Variants in MAP2K4 observed in about 807,000 individuals in gnomAD.
The protein encoded by MAP2K4 is mitogen-activated protein kinase kinase 4.
MAP2K4 carries 4 observed loss-of-function variants against 48.5 expected under a neutral mutation model. The observed-to-expected ratio is 0.08, with a 90% CI of 0.04 to 0.19. The LOEUF is 0.19. MAP2K4 is among the 10% of genes least tolerant of loss of function. MAP2K4 has a pLI of 1.00. For missense variants in MAP2K4, 258 were observed against 493.3 expected (o/e 0.52, Z 4.52); for synonymous variants, 166 against 173.1 (o/e 0.96, Z 0.32).
intron 1 of MAP2K4, among the ~76,000 whole-genome samples, chr17:12,052,424 ATCTC>A (rs999601278): frequency 1.3e-5 from 2 of 152,178 alleles, no homozygotes; most frequent in Non-Finnish European, 2.9e-5. Context: ...GCTGAAAAAA[ATCTC>A]TCTGTGTATT....
chr17:12,081,431 T>A lies in MAP2K4; in HGVS notation c.294T>A (p.Thr98=), dbSNP rs1485306610. ...CCCCTGAACAACACTGGGATTTCAC[T>A]GCAGAGGACTTGAAAGACCTTGGAG... ...KISPEQHWDF[T]AEDLKDLGEI... is the part of the protein sequence containing the mutation. The change falls in exon 3 of 11, where the codon ACT becomes ACA. Residue 98 remains threonine, a synonymous_variant. Coordinates refer to ENST00000353533, the MANE Select transcript of MAP2K4 (RefSeq NM_003010.4). The surrounding 1 kb of genome is among the most constrained non-coding windows in gnomAD (Gnocchi z 4.2). The A allele has an allele frequency of 6.2e-7, 1 of 1,614,150 alleles. No individual in the cohort carries two copies. The highest frequency in any genetic ancestry group is 8.5e-7 in the Non-Finnish European group (1 of 1,179,984).
intron 8 of MAP2K4, among the ~76,000 whole-genome samples, chr17:12,128,163 C>T (rs762292089): frequency 6.6e-6 from 1 of 152,182 alleles, no homozygotes; most frequent in African/African-American, 2.4e-5. Flanking sequence ...CTGCAAACTC[C>T]GCCTCCTGGG....
chr17:12,088,540 A>T (rs1274087074), intron 3 of MAP2K4, among the ~76,000 whole-genome samples: 2 of 70,502 alleles, frequency 2.8e-5, no homozygotes, highest in Non-Finnish European at 6.8e-5. Context: ...ATATATATTA[A>T]ATTATATCTA....
chr17:12,055,133 G>A lies in MAP2K4; in HGVS notation c.218+142G>A, dbSNP rs1970246045. On this transcript the variant is annotated intron_variant, in intron 2 of 10. Transcript: ENST00000353533. Reference sequence around the variant, plus strand: ...GAATATTGTTTATTCTTTTCCTTCTGGAGTTCCAGTTAAATTGCAAGTTGC... The same window carrying A: ...GAATATTGTTTATTCTTTTCCTTCTAGAGTTCCAGTTAAATTGCAAGTTGC... 4 of 525,970 alleles carry A rather than the reference G, an allele frequency of 7.6e-6. No individual in the cohort carries two copies. The East Asian group carries it at 1.2e-4, about 16-fold the overall frequency. 32.6% of individuals were successfully genotyped at this position (525,970 alleles called of 1,614,324 possible). A position where few individuals can be genotyped will look rare whatever the true frequency, so the allele number is the denominator to read the frequency against.
intron 7 of MAP2K4, among the ~76,000 whole-genome samples, chr17:12,122,388 C>T (rs2151585167): frequency 6.6e-6 from 1 of 152,316 alleles, no homozygotes; most frequent in Non-Finnish European, 1.5e-5. Context: ...CAGGCATGTC[C>T]TTAACCGTGG....
intron 9 of MAP2K4, among the ~76,000 whole-genome samples, chr17:12,129,689 G>A (rs978824275): frequency 6.6e-6 from 1 of 152,132 alleles, no homozygotes; most frequent in South Asian, 2.1e-4. Flanking sequence ...AGACTTTCAG[G>A]GTTGGATCTC....
chr17:12,080,122 T>C (rs953332245), intron 2 of MAP2K4, among the ~76,000 whole-genome samples: 1 of 152,204 alleles, frequency 6.6e-6, no homozygotes, highest in Non-Finnish European at 1.5e-5. Context: ...CATACGATTA[T>C]TCTCAGAGTG....
chr17:12,101,236 G>A (rs1195579612), intron 4 of MAP2K4, among the ~76,000 whole-genome samples: 2 of 151,854 alleles, frequency 1.3e-5, no homozygotes, highest in Non-Finnish European at 2.9e-5. Context: ...TATATATATC[G>A]AGAGTTATAT....
At chr17:12,049,244 T>G (rs1970059290) in intron 1 of MAP2K4, among the ~76,000 whole-genome samples, 1 of 152,234 alleles carries the variant, frequency 6.6e-6, no homozygotes, top group African/African-American at 2.4e-5. Context: ...CTCCCCTCTC[T>G]GCGATGTGAT....
intron 2 of MAP2K4, among the ~76,000 whole-genome samples, chr17:12,072,077 T>C (rs1424530156): frequency 6.6e-6 from 1 of 152,224 alleles, no homozygotes; most frequent in East Asian, 1.9e-4. Flanking sequence ...AGCCACCTTA[T>C]ATTGCCTATA....
chr17:12,087,437 A>C (rs980109537), intron 3 of MAP2K4, among the ~76,000 whole-genome samples: 1 of 152,138 alleles, frequency 6.6e-6, no homozygotes, highest in Non-Finnish European at 1.5e-5. Context: ...TACCACTCTT[A>C]CCAAGGCATG....
intron 7 of MAP2K4, among the ~76,000 whole-genome samples, chr17:12,117,967 C>G (rs1272507924): frequency 1.3e-5 from 2 of 152,146 alleles, no homozygotes; most frequent in Non-Finnish European, 2.9e-5. Flanking sequence ...ATCTGTCAGA[C>G]TCACAGTGAA....
intron 3 of MAP2K4, among the ~76,000 whole-genome samples, chr17:12,093,099 A>C (rs1401496593): frequency 6.6e-6 from 1 of 152,142 alleles, no homozygotes; most frequent in Non-Finnish European, 1.5e-5. Flanking sequence ...TTTTCTACCT[A>C]CTGCCAGATA....
At chr17:12,088,421 TTA>T (rs963077054) in intron 3 of MAP2K4, among the ~76,000 whole-genome samples, 15 of 108,338 alleles carry the variant, frequency 1.4e-4, no homozygotes, top group Admixed American at 3.3e-4. Flanking sequence ...TATATATAAA[TTA>T]TATATAATAT....
chr17:12,140,308 T>C (rs1294408727), intron 10 of MAP2K4, among the ~76,000 whole-genome samples: 1 of 152,180 alleles, frequency 6.6e-6, no homozygotes. Flanking sequence ...CCCATGGAAC[T>C]TGGGTGTTTT....
chr17:12,075,515 T>G (rs547981930), intron 2 of MAP2K4, among the ~76,000 whole-genome samples: 3 of 152,322 alleles, frequency 2.0e-5, no homozygotes, highest in Non-Finnish European at 4.4e-5. Context: ...GGTAAGGAAC[T>G]TGTTAGTAGA....
intron 2 of MAP2K4, among the ~76,000 whole-genome samples, chr17:12,074,527 C>T (rs899343666): frequency 1.3e-5 from 2 of 152,174 alleles, no homozygotes; most frequent in African/African-American, 2.4e-5. Context: ...GCTTTCCACT[C>T]CAGTGGCTAA....
intron 6 of MAP2K4, among the ~76,000 whole-genome samples, chr17:12,112,842 T>G (rs1043900747): frequency 6.6e-6 from 1 of 152,044 alleles, no homozygotes; most frequent in African/African-American, 2.4e-5. Flanking sequence ...CTTGTGAAAA[T>G]TTTTTTTGAT....
intron 7 of MAP2K4, among the ~76,000 whole-genome samples, chr17:12,122,331 T>C (rs557253077): frequency 1.1e-4 from 16 of 152,322 alleles, no homozygotes; most frequent in African/African-American, 9.6e-5. Flanking sequence ...TCTTTAATTA[T>C]TGAAGCCCTC....
Sources: gnomAD v4.1 joint callset for allele counts (sites outside exome capture counted in the v4.1 genomes callset) on GRCh38, gnomAD v4.1.1 for gene constraint, Gnocchi (gnomAD v3.1) non-coding constraint, MANE v1.5 for transcripts, NCBI Gene and HGNC (gene_info 2026-07-23, HGNC 2026-07-21) for gene names.